Variants in TTC28 observed in about 807,000 individuals in gnomAD.
The protein encoded by TTC28 is tetratricopeptide repeat domain 28.
In TTC28, 61 loss-of-function variants were observed where a neutral mutation model predicts 198.0. The ratio of observed to expected loss-of-function variants is 0.31; its 90% CI spans 0.25 to 0.38. The LOEUF (loss-of-function observed/expected upper bound fraction) is 0.38. TTC28 is among the 10% of genes least tolerant of loss of function. TTC28 has a pLI of 1.00. For synonymous variants in TTC28, 1,171 were observed against 1,297.8 expected, an observed-to-expected ratio of 0.90 and a Z score of 2.10; for missense variants, 2,678 against 3,164.0, an observed-to-expected ratio of 0.85 and a Z score of 3.69.
At chr22:28,171,464 G>A (rs80119124) in intron 5 of TTC28, among the ~76,000 whole-genome samples, 216 of 152,174 alleles carry the variant, frequency 1.4e-3, no homozygotes, top group Middle Eastern at 6.8e-3. Context: ...ATTTCTTTAC[G>A]AAATGTGTTC....
chr22:28,254,492 C>A (rs1215214227), intron 5 of TTC28, among the ~76,000 whole-genome samples: 113 of 135,360 alleles, frequency 8.3e-4, no homozygotes, highest in Middle Eastern at 3.7e-3. Flanking sequence ...CTTAATGGTG[C>A]AAAAAAAAAA....
chr22:28,101,782 TAAAA>T (rs11459818), intron 8 of TTC28, among the ~76,000 whole-genome samples: 608 of 53,196 alleles, frequency 0.011, 8 homozygotes, highest in East Asian at 0.056. Context: ...CCATCTCTGT[TAAAA>T]AAAAAAAAAA....
intron 2 of TTC28, among the ~76,000 whole-genome samples, chr22:28,609,404 T>C (rs528961953): frequency 6.6e-6 from 1 of 152,254 alleles, no homozygotes; most frequent in African/African-American, 2.4e-5. Context: ...TTAGGACTCG[T>C]TGGACAGTGG....
At chr22:28,313,647 C>T (rs2045304562) in intron 2 of TTC28, among the ~76,000 whole-genome samples, 1 of 152,102 alleles carries the variant, frequency 6.6e-6, no homozygotes, top group African/African-American at 2.4e-5. Context: ...GAAAGGCCTT[C>T]AACAAAATTC....
At position 28,297,592 on chromosome 22, in the gene TTC28, C is replaced by T; in HGVS notation, c.790G>A (p.Ala264Thr). Residue 264 changes from alanine (A) to threonine (T), a missense_variant, in exon 4 of 23, where the codon GCC (alanine) becomes ACC (threonine). Physicochemically the swap from Ala to Thr is moderately conservative, Grantham distance 58. Transcript: ENST00000397906. Reference sequence around the variant, plus strand: ...AGCATCACTCTACCTAAGGTCTTGGCTACATCCAAGTCCTGCTGCATATAT... The same window carrying T: ...AGCATCACTCTACCTAAGGTCTTGGTTACATCCAAGTCCTGCTGCATATAT... ...TGYMQQDLDV[A>T]KTLGDQTGEC... 6.4e-7 allele frequency: 1 copy of T among 1,551,246 alleles called. No individual in the cohort carries two copies. Among genetic ancestry groups the T allele is most frequent in the Non-Finnish European group, 8.7e-7 (1 of 1,146,676 alleles).
At chr22:28,164,223 G>A (rs1300510602) in intron 5 of TTC28, among the ~76,000 whole-genome samples, 1 of 152,178 alleles carries the variant, frequency 6.6e-6, no homozygotes, top group African/African-American at 2.4e-5. Flanking sequence ...TGGGAGCAGG[G>A]CACAGACAAA....
At chr22:28,474,357 C>T (rs1172314254) in intron 2 of TTC28, among the ~76,000 whole-genome samples, 9 of 152,090 alleles carry the variant, frequency 5.9e-5, no homozygotes, top group Non-Finnish European at 1.3e-4. Context: ...AGTAGAAGTA[C>T]CATGTACCTC....
At chr22:28,134,547 G>C (rs1193838594) in intron 6 of TTC28, among the ~76,000 whole-genome samples, 1 of 152,228 alleles carries the variant, frequency 6.6e-6, no homozygotes, top group Non-Finnish European at 1.5e-5. Flanking sequence ...ACTACATGAT[G>C]AATGCACAAG....
At chr22:28,591,008 A>AAC (rs55694132) in intron 2 of TTC28, among the ~76,000 whole-genome samples, 84 of 55,100 alleles carry the variant, frequency 1.5e-3, no homozygotes, top group African/African-American at 4.7e-3. Context: ...CTCTGCCTCA[A>AAC]ACACACACAC....
chr22:28,255,511 GTC>G (rs760593367), intron 5 of TTC28, among the ~76,000 whole-genome samples: 1 of 152,054 alleles, frequency 6.6e-6, no homozygotes, highest in Non-Finnish European at 1.5e-5. Context: ...GTAAAACCCT[GTC>G]TCTGCTAAAA....
At chr22:28,359,960 C>A (rs528310588) in intron 2 of TTC28, among the ~76,000 whole-genome samples, 1 of 152,048 alleles carries the variant, frequency 6.6e-6, no homozygotes, top group Non-Finnish European at 1.5e-5. Context: ...CCTTCCCTAC[C>A]CCACCCCACC....
chr22:28,009,588 CAGCGCAGGTGACG>C (rs1477191383), intron 14 of TTC28, among the ~76,000 whole-genome samples: 2 of 152,196 alleles, frequency 1.3e-5, no homozygotes, highest in African/African-American at 4.8e-5. Flanking sequence ...TCCACCTGGG[CAGCGCAGGTGACG>C]GGTGCCAAAC....
intron 2 of TTC28, among the ~76,000 whole-genome samples, chr22:28,336,082 A>G (rs1018513681): frequency 5.3e-5 from 8 of 152,204 alleles, no homozygotes; most frequent in Middle Eastern, 3.2e-3. Flanking sequence ...CCTTTTCTGC[A>G]TCTATTGAGA....
At chr22:28,308,621 G>C (rs2145814911) in intron 2 of TTC28, among the ~76,000 whole-genome samples, 1 of 152,286 alleles carries the variant, frequency 6.6e-6, no homozygotes, top group African/African-American at 2.4e-5. Flanking sequence ...GTAAAGTTCA[G>C]TGTTAAATGC....
chr22:28,238,121 C>A (rs1442846900), intron 5 of TTC28, among the ~76,000 whole-genome samples: 4 of 152,024 alleles, frequency 2.6e-5, no homozygotes, highest in African/African-American at 9.7e-5. Context: ...GTTGACAGCT[C>A]TTTGGGTATG....
chr22:28,676,707 A>AT (rs1043805449), intron 1 of TTC28, among the ~76,000 whole-genome samples: 1 of 148,336 alleles, frequency 6.7e-6, no homozygotes, highest in South Asian at 2.1e-4. Flanking sequence ...AAGAAACTCT[A>AT]TTTTTTTATT....
intron 5 of TTC28, among the ~76,000 whole-genome samples, chr22:28,207,325 C>T (rs1486428493): frequency 6.6e-6 from 1 of 150,896 alleles, no homozygotes; most frequent in African/African-American, 2.4e-5. Context: ...TCACTACAAG[C>T]ATTCCACTAG....
intron 2 of TTC28, among the ~76,000 whole-genome samples, chr22:28,466,479 T>C (rs1027336476): frequency 6.6e-6 from 1 of 152,176 alleles, no homozygotes; most frequent in African/African-American, 2.4e-5. Flanking sequence ...ATATAAGATA[T>C]GGTATGCCAA....
At chr22:28,129,063 T>G (rs1406870307) in intron 6 of TTC28, among the ~76,000 whole-genome samples, 5 of 152,152 alleles carry the variant, frequency 3.3e-5, no homozygotes, top group Admixed American at 2.0e-4. Flanking sequence ...AATCTCTCTC[T>G]CCCTGAACAT....
Sources: allele counts gnomAD v4.1 joint callset (sites outside exome capture counted in the v4.1 genomes callset), GRCh38; gene constraint gnomAD v4.1.1; transcripts MANE v1.5; gene names NCBI Gene and HGNC (gene_info 2026-07-23, HGNC 2026-07-21).